SCOC: variants seen among roughly 807,000 people sequenced by gnomAD.
The protein encoded by SCOC is short coiled-coil protein.
A neutral mutation model predicts 9.9 loss-of-function variants in SCOC; 7 were observed. That is an observed-to-expected ratio of 0.71 (90% CI 0.40 to 1.33). SCOC has a LOEUF of 1.33. Ranked by LOEUF, SCOC falls within the 40% of genes most tolerant of loss-of-function variation. The pLI, the probability that SCOC is intolerant of heterozygous loss-of-function variation, is 0.01. For missense variants in SCOC, 66 were observed against 89.7 expected (o/e 0.74, Z 1.07); for synonymous variants, 19 against 28.2 (o/e 0.67, Z 1.03).
At position 140,385,436 on chromosome 4, in the gene SCOC, A is replaced by T. The variant is rs1268463163; in HGVS notation, c.*4332A>T. ...AGCTACCAGGTGAGTTTTGTTGCCA[A>T]AATGCTAGGAAAATCTTTAACTTTT... On this transcript the variant is annotated 3_prime_UTR_variant, in exon 4 of 4. Coordinates refer to ENST00000608372, the MANE Select transcript of SCOC (RefSeq NM_001153484.2). 1.3e-5 allele frequency: 2 copies of T among 152,148 alleles called. No homozygotes were observed. Among genetic ancestry groups the T allele is most frequent in the Admixed American group, 6.6e-5 (1 of 15,264 alleles). 9.4% of individuals were successfully genotyped at this position (152,148 alleles called of 1,614,324 possible). A position where few individuals can be genotyped will look rare whatever the true frequency, so the allele number is the denominator to read the frequency against.
intron 1 of SCOC, among the ~76,000 whole-genome samples, chr4:140,316,294 G>A (rs1164938968): frequency 2.6e-5 from 4 of 152,158 alleles, no homozygotes; most frequent in Non-Finnish European, 4.4e-5. Context: ...ATCGGGGACA[G>A]TTTCCCAAGT....
chr4:140,360,344 T>G (rs1195712504), intron 2 of SCOC, among the ~76,000 whole-genome samples: 1 of 152,110 alleles, frequency 6.6e-6, no homozygotes, highest in Non-Finnish European at 1.5e-5. Flanking sequence ...GTAGAACCCC[T>G]AAGTGGCATT....
At chr4:140,273,330 C>T (rs957211429) in intron 1 of SCOC, among the ~76,000 whole-genome samples, 4 of 152,166 alleles carry the variant, frequency 2.6e-5, no homozygotes, top group Non-Finnish European at 5.9e-5. Context: ...ATCTATGAGA[C>T]ATTTAGTTTT....
At chr4:140,325,435 G>T (rs537369785) in intron 1 of SCOC, among the ~76,000 whole-genome samples, 19 of 152,136 alleles carry the variant, frequency 1.2e-4, no homozygotes, top group African/African-American at 4.6e-4. Flanking sequence ...ACAAAGACTC[G>T]TTTCCAGAGT....
intron 1 of SCOC, among the ~76,000 whole-genome samples, chr4:140,375,825 C>T (rs1728319605): frequency 6.6e-6 from 1 of 152,154 alleles, no homozygotes; most frequent in African/African-American, 2.4e-5. Flanking sequence ...TCTGACCTAG[C>T]CATACATCAG....
chr4:140,312,082 G>A (rs902852401), intron 1 of SCOC, among the ~76,000 whole-genome samples: 7 of 152,098 alleles, frequency 4.6e-5, no homozygotes, highest in African/African-American at 1.4e-4. Context: ...TTAGAAATAC[G>A]ACTTCTATTG....
chr4:140,286,133 A>G (rs1332614905), intron 1 of SCOC, among the ~76,000 whole-genome samples: 3 of 151,944 alleles, frequency 2.0e-5, no homozygotes, highest in Non-Finnish European at 4.4e-5. Flanking sequence ...GCAGTGAGCC[A>G]AGATTGAGCC....
chr4:140,313,569 C>T (rs1000153980), intron 1 of SCOC, among the ~76,000 whole-genome samples: 1 of 152,072 alleles, frequency 6.6e-6, no homozygotes, highest in Non-Finnish European at 1.5e-5. Flanking sequence ...AGATTTTAAA[C>T]TTAGCATATG....
intron 1 of SCOC, among the ~76,000 whole-genome samples, chr4:140,378,011 G>A (rs1728414498): frequency 6.6e-6 from 1 of 152,070 alleles, no homozygotes; most frequent in African/African-American, 2.4e-5. Flanking sequence ...TGAACATATT[G>A]AATGAAATGA....
At chr4:140,312,920 C>T (rs151115629) in intron 1 of SCOC, among the ~76,000 whole-genome samples, 249 of 152,156 alleles carry the variant, frequency 1.6e-3, no homozygotes, top group African/African-American at 5.8e-3. Context: ...AACCTATAGA[C>T]CTATCAAGAC....
chr4:140,323,611 T>TATCC (rs1346143230), intron 1 of SCOC, among the ~76,000 whole-genome samples: 4 of 152,144 alleles, frequency 2.6e-5, no homozygotes. Flanking sequence ...GACAACACTA[T>TATCC]ATCCATAAGT....
At chr4:140,356,558 T>G (rs1727238239) in intron 2 of SCOC, among the ~76,000 whole-genome samples, 1 of 152,244 alleles carries the variant, frequency 6.6e-6, no homozygotes, top group African/African-American at 2.4e-5. Context: ...TTTCATAACT[T>G]TAAAAGATTA....
chr4:140,374,103 T>G, intron 1 of SCOC: 1 of 470,896 alleles, frequency 2.1e-6, no homozygotes. Flanking sequence ...GCCTGGACCT[T>G]CCCGTGGCTG....
chr4:140,358,584 T>C (rs1727332019), intron 2 of SCOC, among the ~76,000 whole-genome samples: 1 of 152,246 alleles, frequency 6.6e-6, no homozygotes, highest in African/African-American at 2.4e-5. Flanking sequence ...GAGAGGGAAC[T>C]AAGCCTTCCT....
At chr4:140,345,398 A>G (rs1726693246) in intron 2 of SCOC, among the ~76,000 whole-genome samples, 1 of 152,202 alleles carries the variant, frequency 6.6e-6, no homozygotes, top group Non-Finnish European at 1.5e-5. Flanking sequence ...ATATTTCAAA[A>G]TGGTAAATGG....
chr4:140,265,914 C>T (rs1730720924), intron 1 of SCOC, among the ~76,000 whole-genome samples: 1 of 152,310 alleles, frequency 6.6e-6, no homozygotes, highest in Non-Finnish European at 1.5e-5. Flanking sequence ...AGAAAAGCCT[C>T]TTTTCCAGGG....
upstream of SCOC, among the ~76,000 whole-genome samples, chr4:140,341,392 A>G: frequency 6.6e-6 from 1 of 152,234 alleles, no homozygotes; most frequent in East Asian, 1.9e-4. Flanking sequence ...AGAGGGCAAG[A>G]AGTCCAATCT....
At chr4:140,277,837 GTAACT>G in intron 1 of SCOC, among the ~76,000 whole-genome samples, 1 of 152,342 alleles carries the variant, frequency 6.6e-6, no homozygotes, top group East Asian at 1.9e-4. Context: ...TATCCTGGAT[GTAACT>G]TATAGGATTA....
At chr4:140,373,824 G>A (rs1728186195) in intron 1 of SCOC, 107 bp downstream of exon 1, 2 of 1,232,000 alleles carry the variant, frequency 1.6e-6, no homozygotes, top group Admixed American at 2.1e-5. Context: ...GCGGCCCTGC[G>A]CACCGGGGGC....
Sources: allele counts gnomAD v4.1 joint callset (sites outside exome capture counted in the v4.1 genomes callset), GRCh38; gene constraint gnomAD v4.1.1; transcripts MANE v1.5; gene names NCBI Gene and HGNC (gene_info 2026-07-23, HGNC 2026-07-21).